The following ARID3A variants were observed in gnomAD, a reference collection of about 807,000 sequenced individuals.
ARID3A encodes the protein AT-rich interactive domain-containing protein 3A.
ARID3A carries 11 observed loss-of-function variants against 52.7 expected under a neutral mutation model. That is an observed-to-expected ratio of 0.21 (90% CI 0.13 to 0.35). ARID3A has a LOEUF of 0.35. Ranked by LOEUF, ARID3A falls within the 10% of genes least tolerant of loss-of-function variation. The probability of loss-of-function intolerance (pLI) is 1.00; values close to 1 mark genes in which losing one functional copy is unlikely to be tolerated. For synonymous variants in ARID3A, 404 were observed against 359.4 expected, an observed-to-expected ratio of 1.12 and a Z score of -1.40; for missense variants, 721 against 838.5, an observed-to-expected ratio of 0.86 and a Z score of 1.73.
chr19:968,366 A>G lies in ARID3A; in HGVS notation c.1496-39A>G, dbSNP rs759811908. On this transcript the variant is annotated intron_variant, in intron 7 of 8. Coordinates refer to ENST00000263620, the MANE Select transcript of ARID3A (RefSeq NM_005224.3). ...AGAGCAAGACTCTGTCTCAAAAAAAAAAAGAAAAAAAGAAACTAATTTGTT... is the reference window on the plus strand; with the variant it reads ...AGAGCAAGACTCTGTCTCAAAAAAAGAAAGAAAAAAAGAAACTAATTTGTT... The G allele has an allele frequency of 1.6e-5, 25 of 1,579,358 alleles. 1 individual carries two copies. Among genetic ancestry groups the G allele is most frequent in the Non-Finnish European group, 2.1e-5 (24 of 1,159,918 alleles).
chr19:933,270 G>A (rs561301678), intron 3 of ARID3A, among the ~76,000 whole-genome samples: 26 of 152,316 alleles, frequency 1.7e-4, no homozygotes, highest in Middle Eastern at 3.4e-3. Context: ...GTGAGGCTCC[G>A]AGTGGGCGGT....
chr19:974,710 C>T lies in ARID3A; in HGVS notation c.*2645C>T, dbSNP rs2038345986. ...AGCCTGGGGAGGGGCCGTGCAGGGT[C>T]GAGGGCTGGGTCGTCTCCCTCGGGC... On this transcript the variant is annotated 3_prime_UTR_variant, in exon 9 of 9. Coordinates refer to ENST00000263620, the MANE Select transcript of ARID3A (RefSeq NM_005224.3). The T allele has an allele frequency of 1.3e-5, 3 of 231,280 alleles. No individual in the cohort carries two copies. The highest frequency in any genetic ancestry group is 6.1e-5 in the East Asian group (1 of 16,414). 14.3% of individuals were successfully genotyped at this position (231,280 alleles called of 1,614,324 possible). A position where few individuals can be genotyped will look rare whatever the true frequency, so the allele number is the denominator to read the frequency against.
chr19:943,521 T>G (rs1359367102), intron 3 of ARID3A, among the ~76,000 whole-genome samples: 1 of 151,086 alleles, frequency 6.6e-6, no homozygotes, highest in Non-Finnish European at 1.5e-5. Flanking sequence ...TGAGCTGAGA[T>G]CGCACCACTA....
Position 942,841 on chromosome 19 carries a change from C to T in ARID3A, c.693+10099C>T, listed in dbSNP as rs898060532. On this transcript the variant is annotated intron_variant, in intron 3 of 8. Coordinates refer to ENST00000263620, the MANE Select transcript of ARID3A (RefSeq NM_005224.3). The surrounding 1 kb of genome is among the most constrained non-coding windows in gnomAD (Gnocchi z 8.1). ...AGAACCCGCCTTCCGGGAGGAGCCCCGTCTGGATTGGATGGCATCGCCCAA... is the reference window on the plus strand; with the variant it reads ...AGAACCCGCCTTCCGGGAGGAGCCCTGTCTGGATTGGATGGCATCGCCCAA... 2.0e-5 allele frequency among the ~76,000 whole-genome samples: 3 copies of T among 152,186 alleles called. No homozygotes were observed. Among genetic ancestry groups the T allele is most frequent in the African/African-American group, 7.2e-5 (3 of 41,454 alleles).
Position 947,184 on chromosome 19 carries a change from A to AC in ARID3A, c.694-12903dup, listed in dbSNP as rs2037704394. ...GGTGTGTCTGTGTGTGGCCTGGGGC[A>AC]CCCCCTGCCGTCAGCCCAGATCTGT... On this transcript the variant is annotated intron_variant, in intron 3 of 8. Transcript: ENST00000263620. The surrounding 1 kb of genome is among the most constrained non-coding windows in gnomAD (Gnocchi z 6.3). 6.6e-6 allele frequency among the ~76,000 whole-genome samples: 1 copy of AC among 150,828 alleles called. No individual in the cohort carries two copies. The highest frequency in any genetic ancestry group is 1.5e-5 in the Non-Finnish European group (1 of 67,740).
intron 1 of ARID3A, among the ~76,000 whole-genome samples, chr19:927,034 T>C (rs1389677621): frequency 6.6e-6 from 1 of 151,912 alleles, no homozygotes; most frequent in Non-Finnish European, 1.5e-5. Context: ...TCCCCAGCTT[T>C]CTGCCCCGCC....
At position 964,565 on chromosome 19, in the gene ARID3A, G is replaced by A. The variant is rs1212010127; in HGVS notation, c.950+134G>A. On this transcript the variant is annotated intron_variant, in intron 5 of 8. Coordinates refer to ENST00000263620, the MANE Select transcript of ARID3A (RefSeq NM_005224.3). This position sits in a 1 kb window ranked among gnomAD's most constrained non-coding sequence, Gnocchi z 5.7. ...AGTGGGCAGCCGCAAAGGGCACAGG[G>A]CCACACCGTGCGTCCAGGGCCCGAG... 7.8e-7 allele frequency: 1 copy of A among 1,280,770 alleles called. No individual in the cohort carries two copies. Among genetic ancestry groups the A allele is most frequent in the Admixed American group, 2.6e-5 (1 of 38,940 alleles). The allele number at this position is 1,280,770 out of a possible 1,614,324, so 79.3% of individuals were successfully genotyped here.
rs71335278 is a variant in ARID3A at position 932,491 on chromosome 19, G to C, written c.442G>C (p.Glu148Gln). 6 of 1,565,404 alleles carry C rather than the reference G, an allele frequency of 3.8e-6. No individual in the cohort carries two copies. The highest frequency in any genetic ancestry group is 5.2e-6 in the Non-Finnish European group (6 of 1,161,746). The change falls in exon 3 of 9, where the codon GAG becomes CAG. Residue 148 changes from glutamate to glutamine, a missense_variant. Glu to Gln is a conservative substitution (Grantham distance 29). Around this residue, in one of 5 missense-constraint regions of ARID3A, gnomAD observed 349 missense variants for 297.3 expected, o/e 1.17. Transcript: ENST00000263620. Reference protein sequence around the residue: ...EDEEEEEEDYEDEEEEEDEEG... With the variant: ...EDEEEEEEDYQDEEEEEDEEG... ...TGAGGAGGAGGAGGAGGAGGATTAC[G>C]AGGATGAGGAGGAGGAGGAGGACGA...
intron 3 of ARID3A, among the ~76,000 whole-genome samples, chr19:943,512 G>C (rs2145393207): frequency 6.6e-6 from 1 of 152,072 alleles, no homozygotes; most frequent in African/African-American, 2.4e-5. Context: ...AGGCTGCAGT[G>C]AGCTGAGATC....
chr19:942,046 C>T lies in ARID3A; in HGVS notation c.693+9304C>T, dbSNP rs2037567109. 6.6e-6 allele frequency among the ~76,000 whole-genome samples: 1 copy of T among 152,190 alleles called. No homozygotes were observed. Among genetic ancestry groups the T allele is most frequent in the Non-Finnish European group, 1.5e-5 (1 of 68,030 alleles). On this transcript the variant is annotated intron_variant, in intron 3 of 8. Transcript: ENST00000263620. The surrounding 1 kb of genome is among the most constrained non-coding windows in gnomAD (Gnocchi z 8.1). The stretch of plus-strand genomic sequence containing the variant: ...GAGTGGCGCTGTCTGTCTTGGTCAG[C>T]AGCGCGCGTCGGCCGCGGGGCACAG...
chr19:966,696 A>C lies in ARID3A; in HGVS notation c.1323A>C (p.Ala441=). The change falls in exon 7 of 9, where the codon GCA becomes GCC. Residue 441 remains alanine (A), a synonymous_variant. Coordinates refer to ENST00000263620, the MANE Select transcript of ARID3A (RefSeq NM_005224.3). ...QAAAAQAAVA[A]QAAALEQLRE... ...CAGCCGCCCAAGCAGCTGTGGCCGC[A>C]CAGGCAGCTGCCCTGGAACAGCTGC... The C allele has an allele frequency of 6.2e-7, 1 of 1,611,618 alleles. No individual in the cohort carries two copies. Among genetic ancestry groups the C allele is most frequent in the Non-Finnish European group, 8.5e-7 (1 of 1,179,220 alleles).
intron 3 of ARID3A, among the ~76,000 whole-genome samples, chr19:948,952 G>A (rs937743648): frequency 1.3e-5 from 2 of 151,982 alleles, no homozygotes; most frequent in South Asian, 2.1e-4. Context: ...CAGGTGATCC[G>A]CCCGCCTCGG....
intron 3 of ARID3A, among the ~76,000 whole-genome samples, chr19:940,884 C>T (rs546252555): frequency 1.1e-4 from 16 of 152,190 alleles, no homozygotes; most frequent in South Asian, 1.0e-3. Flanking sequence ...ACTGTGGCTG[C>T]TGGCGCCGGG....
chr19:943,602 A>G (rs1413903012), intron 3 of ARID3A, among the ~76,000 whole-genome samples: 4 of 151,910 alleles, frequency 2.6e-5, no homozygotes, highest in Non-Finnish European at 5.9e-5. Context: ...AGAAATTTGG[A>G]CACGGACACG....
rs533684249 is a variant in ARID3A, at chr19:966,045, C to T, written c.1199-527C>T. ...GTGTGGTGGTGGGCGCCTGTAATCC[C>T]AGCTACTCAGGAGACTGAGGCAGAA... On this transcript the variant is annotated intron_variant, in intron 6 of 8. Coordinates refer to ENST00000263620, the MANE Select transcript of ARID3A (RefSeq NM_005224.3). Among the ~76,000 whole-genome samples the T allele has an allele frequency of 5.2e-4, 79 of 150,524 alleles. 1 individual carries two copies. Among genetic ancestry groups the T allele is most frequent in the Non-Finnish European group, 1.0e-3 (70 of 67,724 alleles).
chr19:945,786 G>A (rs1182205207), intron 3 of ARID3A, among the ~76,000 whole-genome samples: 1 of 152,178 alleles, frequency 6.6e-6, no homozygotes, highest in Non-Finnish European at 1.5e-5. Context: ...CTGGCCCCTT[G>A]CACTGCCCGG....
intron 3 of ARID3A, among the ~76,000 whole-genome samples, chr19:940,361 A>G (rs533555603): frequency 5.9e-5 from 9 of 151,782 alleles, no homozygotes; most frequent in African/African-American, 9.7e-5. Context: ...ACTGGGCCGC[A>G]TTTACAGCCG....
chr19:972,706 G>A lies in ARID3A; in HGVS notation c.*641G>A, dbSNP rs1396310366. On this transcript the variant is annotated 3_prime_UTR_variant, in exon 9 of 9. Coordinates refer to ENST00000263620, the MANE Select transcript of ARID3A (RefSeq NM_005224.3). ...AAATATTCTATTTTATTCTTGGGGG[G>A]ATCAAACCTTAGGAAAAGGATATCT... 5.1e-6 allele frequency: 1 copy of A among 195,768 alleles called. No individual in the cohort carries two copies. Among genetic ancestry groups the A allele is most frequent in the African/African-American group, 2.5e-5 (1 of 39,568 alleles). The allele number at this position is 195,768 out of a possible 1,614,324, so 12.1% of individuals were successfully genotyped here.
intron 3 of ARID3A, among the ~76,000 whole-genome samples, chr19:933,163 T>A (rs1417964581): frequency 6.6e-6 from 1 of 152,054 alleles, no homozygotes; most frequent in Admixed American, 6.5e-5. Flanking sequence ...CCCTGGCATC[T>A]GTGGAGAGCC....
Sources: allele counts gnomAD v4.1 joint callset (sites outside exome capture counted in the v4.1 genomes callset), GRCh38; gene constraint gnomAD v4.1.1; regional missense constraint gnomAD v4.1.1; non-coding constraint Gnocchi (gnomAD v3.1); transcripts MANE v1.5; gene names NCBI Gene and HGNC (gene_info 2026-07-23, HGNC 2026-07-21).